The following MCTP2 variants were observed in gnomAD, a reference collection of about 807,000 sequenced individuals.
MCTP2 encodes the protein multiple C2 and transmembrane domain containing 2.
Under a neutral mutation model 111.6 loss-of-function variants are expected in MCTP2, and 132 were observed. The ratio of observed to expected loss-of-function variants is 1.18; its 90% CI spans 1.03 to 1.37. The LOEUF is 1.37. Ranked by LOEUF, MCTP2 falls within the 40% of genes most tolerant of loss-of-function variation. The pLI is 0.00. For synonymous variants in MCTP2, 395 were observed against 387.7 expected (o/e 1.02, Z -0.22); for missense variants, 1,183 against 1,067.9 (o/e 1.11, Z -1.50).
rs146041813 is a variant in MCTP2, at chr15:94,245,728, A to C, written c.-66+14064A>C. On this transcript the variant is annotated intron_variant, in intron 1 of 22. Coordinates refer to ENST00000357742, the MANE Select transcript of MCTP2 (RefSeq NM_001385001.1). ...TGTGTGTGTGTGTGTATATATATAT[A>C]TATATATCTATATAGACAAAAGAGT... is the stretch of plus-strand genomic sequence containing the variant. 3.2e-3 allele frequency among the ~76,000 whole-genome samples: 469 copies of C among 148,446 alleles called. 3 individuals carry two copies. Among genetic ancestry groups the C allele is most frequent in the Non-Finnish European group, 4.3e-3 (286 of 67,268 alleles).
In MCTP2 at chr15:94,415,036, T is replaced by C. The variant is rs2082311931; in HGVS notation, c.2085+13017T>C. On this transcript the variant is annotated intron_variant, in intron 17 of 22. Transcript: ENST00000357742. ...ACAGTAGTGCTCATGAATAATGCCT[T>C]CTATGTGGATGATACCTACAGTAAC... 2.6e-5 allele frequency among the ~76,000 whole-genome samples: 4 copies of C among 152,038 alleles called. No homozygotes were observed. In the South Asian group the frequency reaches 8.3e-4, roughly 32 times the overall value.
At chr15:94,307,364 A>C (rs898371667) in intron 2 of MCTP2, among the ~76,000 whole-genome samples, 46 of 152,220 alleles carry the variant, frequency 3.0e-4, no homozygotes, top group African/African-American at 8.4e-4. Context: ...GAGGTGAGGA[A>C]GTGGGTTGTG....
chr15:94,295,984 C>A (rs1319065165), intron 1 of MCTP2, among the ~76,000 whole-genome samples: 1 of 151,954 alleles, frequency 6.6e-6, no homozygotes, highest in East Asian at 1.9e-4. Context: ...TCTCAGATGT[C>A]TCAATTGCAT....
rs1250397557 is a variant in MCTP2, at chr15:94,479,939, ATCATT to A, written c.*912_*916del. The A allele has an allele frequency of 1.3e-5, 2 of 152,208 alleles. No homozygotes were observed. Among genetic ancestry groups the A allele is most frequent in the African/African-American group, 4.8e-5 (2 of 41,464 alleles). The allele number at this position is 152,208 out of a possible 1,614,324, so 9.4% of individuals were successfully genotyped here. A position where few individuals can be genotyped will look rare whatever the true frequency, so the allele number is the denominator to read the frequency against. On this transcript the variant is annotated 3_prime_UTR_variant, in exon 23 of 23. Coordinates refer to ENST00000357742, the MANE Select transcript of MCTP2 (RefSeq NM_001385001.1). ...TAAGGCTGCTTACCTAATTATTATA[ATCATT>A]TCATTTGCCTGAATGTTTTAAGCAG...
intron 21 of MCTP2, among the ~76,000 whole-genome samples, chr15:94,472,658 C>T (rs1336327492): frequency 1.3e-5 from 2 of 152,170 alleles, no homozygotes; most frequent in Non-Finnish European, 2.9e-5. Flanking sequence ...ACGTCTGGTT[C>T]TTCAGTTTTA....
chr15:94,370,358 T>G (rs2079418896), intron 12 of MCTP2, among the ~76,000 whole-genome samples, 178 bp downstream of exon 12: 1 of 152,208 alleles, frequency 6.6e-6, no homozygotes, highest in Non-Finnish European at 1.5e-5. Flanking sequence ...AAAGCACCTA[T>G]TTACACAATT....
chr15:94,410,661 A>G (rs2082113206), intron 17 of MCTP2, among the ~76,000 whole-genome samples: 3 of 152,198 alleles, frequency 2.0e-5, no homozygotes, highest in Non-Finnish European at 4.4e-5. Context: ...TTGTTTTAGT[A>G]TATTGCAAGC....
chr15:94,267,472 A>G (rs556240508), intron 1 of MCTP2, among the ~76,000 whole-genome samples: 40 of 152,280 alleles, frequency 2.6e-4, no homozygotes, highest in South Asian at 4.2e-4. Context: ...GAGTTAATGG[A>G]AAGATGGATT....
At chr15:94,459,133 C>G (rs2085030452) in intron 20 of MCTP2, among the ~76,000 whole-genome samples, 1 of 152,172 alleles carries the variant, frequency 6.6e-6, no homozygotes, top group African/African-American at 2.4e-5. Flanking sequence ...GAATTATTAA[C>G]TTATTTCCCC....
intron 10 of MCTP2, among the ~76,000 whole-genome samples, chr15:94,364,275 A>C (rs1260886217): frequency 6.6e-6 from 1 of 152,128 alleles, no homozygotes; most frequent in African/African-American, 2.4e-5. Flanking sequence ...TGCTACAGAA[A>C]ACTTATGGCC....
At chr15:94,387,880 GC>G (rs970185769) in intron 14 of MCTP2, among the ~76,000 whole-genome samples, 1 of 152,164 alleles carries the variant, frequency 6.6e-6, no homozygotes, top group African/African-American at 2.4e-5. Context: ...GAGGGAGAGA[GC>G]CATGTGGATA....
intron 2 of MCTP2, among the ~76,000 whole-genome samples, chr15:94,304,475 T>C (rs2081534385): frequency 6.6e-6 from 1 of 152,208 alleles, no homozygotes. Flanking sequence ...ACTCTAATGT[T>C]CTTTTGATGT....
intron 20 of MCTP2, among the ~76,000 whole-genome samples, chr15:94,468,458 C>T (rs1201768654): frequency 6.0e-5 from 9 of 150,900 alleles, no homozygotes; most frequent in Non-Finnish European, 8.8e-5. Flanking sequence ...TTCTTAAGCA[C>T]GTTCCTAAAT....
chr15:94,471,800 CTGAA>C (rs1241727184), intron 21 of MCTP2, among the ~76,000 whole-genome samples: 13 of 148,454 alleles, frequency 8.8e-5, no homozygotes, highest in Non-Finnish European at 1.5e-4. Flanking sequence ...AATTTATATA[CTGAA>C]TGTTATTTGC....
intron 1 of MCTP2, among the ~76,000 whole-genome samples, chr15:94,250,772 T>G (rs1466695999): frequency 6.6e-6 from 1 of 152,202 alleles, no homozygotes; most frequent in Non-Finnish European, 1.5e-5. Context: ...TTCAGTGTGA[T>G]GGAGCTAGGA....
intron 1 of MCTP2, among the ~76,000 whole-genome samples, chr15:94,276,200 C>A (rs1449610149): frequency 6.6e-6 from 1 of 151,630 alleles, no homozygotes; most frequent in Non-Finnish European, 1.5e-5. Context: ...GTATTCTATG[C>A]CAGAAAAAAT....
At chr15:94,243,960 TACAC>T (rs200181169) in intron 1 of MCTP2, among the ~76,000 whole-genome samples, 1 of 147,160 alleles carries the variant, frequency 6.8e-6, no homozygotes, top group Non-Finnish European at 1.5e-5. Context: ...TGTATATATT[TACAC>T]ACACATATGT....
chr15:94,387,860 G>A (rs1014540065), intron 14 of MCTP2, among the ~76,000 whole-genome samples: 2 of 152,202 alleles, frequency 1.3e-5, no homozygotes, highest in African/African-American at 2.4e-5. Context: ...GAGTGGGAAC[G>A]TAAGGAGGTG....
intron 1 of MCTP2, among the ~76,000 whole-genome samples, chr15:94,245,734 ATC>A (rs1555440222): frequency 1.1e-4 from 16 of 147,476 alleles, no homozygotes; most frequent in African/African-American, 3.0e-4. Context: ...ATATATATAT[ATC>A]TATATAGACA....
Sources: gnomAD v4.1 joint callset for allele counts (sites outside exome capture counted in the v4.1 genomes callset) on GRCh38, gnomAD v4.1.1 for gene constraint, MANE v1.5 for transcripts, NCBI Gene and HGNC (gene_info 2026-07-23, HGNC 2026-07-21) for gene names.